Variants in PCDH7 observed in about 807,000 individuals in gnomAD.
PCDH7 encodes the protein protocadherin 7.
A neutral mutation model predicts 58.9 loss-of-function variants in PCDH7; 17 were observed. The ratio of observed to expected loss-of-function variants is 0.29; its 90% CI spans 0.20 to 0.43. The LOEUF (loss-of-function observed/expected upper bound fraction) is 0.43, where lower values mean the gene tolerates loss of function less well. Ranked by LOEUF, PCDH7 falls within the 20% of genes least tolerant of loss-of-function variation. The pLI is 1.00. For missense variants in PCDH7, 1,274 were observed against 1,441.0 expected, an observed-to-expected ratio of 0.88 and a Z score of 1.88; for synonymous variants, 664 against 616.4, an observed-to-expected ratio of 1.08 and a Z score of -1.14.
At chr4:30,977,159 C>T (rs1202262628) in intron 3 of PCDH7, among the ~76,000 whole-genome samples, 2 of 152,154 alleles carry the variant, frequency 1.3e-5, no homozygotes, top group Non-Finnish European at 2.9e-5. Flanking sequence ...AGAAACAATA[C>T]TTAGCTGAAT....
intron 3 of PCDH7, among the ~76,000 whole-genome samples, chr4:31,098,115 T>G (rs922659888): frequency 6.6e-6 from 1 of 152,178 alleles, no homozygotes; most frequent in Non-Finnish European, 1.5e-5. Flanking sequence ...AAAGACAAAT[T>G]GAATCAGAAC....
chr4:30,933,062 C>G (rs1258031545), intron 2 of PCDH7, among the ~76,000 whole-genome samples: 1 of 150,476 alleles, frequency 6.6e-6, no homozygotes, highest in African/African-American at 2.4e-5. Context: ...GAGTCTTGCT[C>G]TGTCGCCAGG....
Position 30,759,671 on chromosome 4 carries a change from A to G in PCDH7, c.70+35075A>G, listed in dbSNP as rs190276563. On this transcript the variant is annotated intron_variant, in intron 1 of 3. Coordinates refer to the PCDH7 transcript ENST00000509759. ...CATTACATTATAAATAAATATATTG[A>G]AATGTATAAAATACAGCATATATAT... Among the ~76,000 whole-genome samples, 335 of 152,306 alleles carry G rather than the reference A, an allele frequency of 2.2e-3. 1 individual carries two copies. Among genetic ancestry groups the G allele is most frequent in the East Asian group, 8.1e-3 (42 of 5,184 alleles).
intron 2 of PCDH7, among the ~76,000 whole-genome samples, chr4:30,941,391 G>A (rs1054205007): frequency 1.3e-5 from 2 of 151,864 alleles, no homozygotes; most frequent in Admixed American, 6.6e-5. Flanking sequence ...AAATGGTTTT[G>A]TATAGCTTCC....
At chr4:30,788,718 G>T (rs1349246522) in intron 1 of PCDH7, among the ~76,000 whole-genome samples, 12 of 152,142 alleles carry the variant, frequency 7.9e-5, no homozygotes, top group African/African-American at 2.9e-4. Context: ...ATTTGACTGA[G>T]TTAATTATGA....
In PCDH7 at chr4:30,963,803, T is replaced by A. The variant is rs200258930; in HGVS notation, c.*7+13588T>A. Among the ~76,000 whole-genome samples the A allele has an allele frequency of 2.2e-4, 34 of 152,282 alleles. No individual in the cohort carries two copies. The East Asian group carries it at 5.4e-3, about 24-fold the overall frequency. ...AATAACTTTTCAAGCCGAGGGAAAT[T>A]TTGACATGAGTTAAAGCCTTCCCCA... On this transcript the variant is annotated intron_variant, in intron 3 of 3. Coordinates refer to the PCDH7 transcript ENST00000509759.
At chr4:30,848,289 C>T (rs1732250534) in intron 1 of PCDH7, among the ~76,000 whole-genome samples, 1 of 152,066 alleles carries the variant, frequency 6.6e-6, no homozygotes, top group South Asian at 2.1e-4. Context: ...ATTTAAGGTA[C>T]TCTGTGTAAA....
chr4:30,901,206 C>T (rs1047918687), intron 1 of PCDH7, among the ~76,000 whole-genome samples: 4 of 152,074 alleles, frequency 2.6e-5, no homozygotes, highest in African/African-American at 9.7e-5. Flanking sequence ...AAAATGAAGG[C>T]TACCAGCTTC....
intron 1 of PCDH7, among the ~76,000 whole-genome samples, chr4:30,783,719 A>T (rs1723070015): frequency 6.6e-6 from 1 of 152,176 alleles, no homozygotes; most frequent in Non-Finnish European, 1.5e-5. Context: ...TGCATAATTC[A>T]GTTTTCTTCT....
intron 1 of PCDH7, among the ~76,000 whole-genome samples, chr4:30,833,226 T>C (rs1045297876): frequency 2.0e-5 from 3 of 152,238 alleles, no homozygotes; most frequent in Admixed American, 2.0e-4. Flanking sequence ...ATCTTACAAT[T>C]TTGGAGGCCA....
At chr4:31,083,271 GA>G (rs1320618782) in intron 3 of PCDH7, among the ~76,000 whole-genome samples, 5 of 151,708 alleles carry the variant, frequency 3.3e-5, no homozygotes, top group South Asian at 2.1e-4. Flanking sequence ...TTTTTTTAAA[GA>G]AAAAAATTGA....
intron 1 of PCDH7, among the ~76,000 whole-genome samples, chr4:30,807,921 A>C (rs1451298633): frequency 6.6e-6 from 1 of 152,178 alleles, no homozygotes; most frequent in African/African-American, 2.4e-5. Context: ...GTGTCCACCC[A>C]GGTTTCGTTT....
Position 30,723,571 on chromosome 4 carries a change from G to T in PCDH7, c.2149G>T (p.Gly717Trp), listed in dbSNP as rs1714106481. The T allele has an allele frequency of 1.9e-6, 3 of 1,614,090 alleles. No individual in the cohort carries two copies. The highest frequency in any genetic ancestry group is 2.2e-5 in the East Asian group (1 of 44,866). ...CACTTTCAGAGTCAAGGCTGTGGAT[G>T]GGGGAGATCCTCCCAGATCTGCCAC... Residue 717 changes from glycine (G) to tryptophan (W), a missense_variant, in exon 1 of 2, where the codon GGG becomes TGG. Coordinates refer to ENST00000361762, the Ensembl canonical transcript of PCDH7. The surrounding 1 kb of genome is among the most constrained non-coding windows in gnomAD (Gnocchi z 4.6).
chr4:30,862,389 T>G (rs1578084476), intron 1 of PCDH7, among the ~76,000 whole-genome samples: 1 of 152,276 alleles, frequency 6.6e-6, no homozygotes, highest in East Asian at 1.9e-4. Context: ...CTCTTGCCAT[T>G]AGCTGTCTAC....
At chr4:30,876,841 A>G (rs933551426) in intron 1 of PCDH7, among the ~76,000 whole-genome samples, 6 of 151,924 alleles carry the variant, frequency 3.9e-5, no homozygotes, top group Admixed American at 6.6e-5. Context: ...GTACCTGTCA[A>G]TCTGTCATCT....
intron 2 of PCDH7, among the ~76,000 whole-genome samples, chr4:30,937,250 G>A (rs1294196593): frequency 6.6e-6 from 1 of 152,022 alleles, no homozygotes. Context: ...TTAGCTAAAT[G>A]TGTAAACTCA....
chr4:30,993,739 ATT>A (rs550362856), intron 3 of PCDH7, among the ~76,000 whole-genome samples: 1 of 148,226 alleles, frequency 6.7e-6, no homozygotes, highest in Non-Finnish European at 1.5e-5. Context: ...TTCAATTTAG[ATT>A]TTTTTTTTTG....
chr4:31,021,583 G>A (rs775981892), intron 3 of PCDH7, among the ~76,000 whole-genome samples: 8 of 152,058 alleles, frequency 5.3e-5, no homozygotes, highest in Non-Finnish European at 8.8e-5. Context: ...GCTTTCTGCG[G>A]GACTCAAAGA....
chr4:30,785,415 G>A (rs1443666456), intron 1 of PCDH7, among the ~76,000 whole-genome samples: 4 of 151,916 alleles, frequency 2.6e-5, no homozygotes, highest in African/African-American at 9.7e-5. Context: ...CTTGGTAAAT[G>A]TGTTTTGCTT....
Sources: gnomAD v4.1 joint callset for allele counts (sites outside exome capture counted in the v4.1 genomes callset) on GRCh38, gnomAD v4.1.1 for gene constraint, Gnocchi (gnomAD v3.1) non-coding constraint, MANE v1.5 for transcripts, NCBI Gene and HGNC (gene_info 2026-07-23, HGNC 2026-07-21) for gene names.